ROBO1: variants seen among roughly 807,000 people sequenced by gnomAD.
ROBO1 encodes the protein roundabout guidance receptor 1, also known as roundabout homolog 1.
In ROBO1, 149 loss-of-function variants were observed where a neutral mutation model predicts 195.9. That is an observed-to-expected ratio of 0.76 (90% CI 0.67 to 0.87). The LOEUF is 0.87. Among genes scored for constraint, ROBO1 ranks in the 40% least tolerant of loss-of-function variants. The pLI, the probability that ROBO1 is intolerant of heterozygous loss-of-function variation, is 0.00. For missense variants in ROBO1, 1,933 were observed against 2,068.3 expected, an observed-to-expected ratio of 0.93 and a Z score of 1.27; for synonymous variants, 816 against 733.2, an observed-to-expected ratio of 1.11 and a Z score of -1.82.
rs2082145300 is a variant in ROBO1, at chr3:79,221,872, G to C, written c.89-96333C>G. On this transcript the variant is annotated intron_variant, in intron 2 of 30. Coordinates refer to ENST00000464233, the MANE Select transcript of ROBO1 (RefSeq NM_002941.4). ...GCAGAAATAATATGGTTATCTCTCT[G>C]AGAATACTGGATAGAAAATGTCCTT... Among the ~76,000 whole-genome samples the C allele has an allele frequency of 2.6e-5, 4 of 151,986 alleles. No individual in the cohort carries two copies. The South Asian group carries it at 8.3e-4, about 32-fold the overall frequency.
At position 78,884,648 on chromosome 3, in the gene ROBO1, A is replaced by AAAGAAAGG. The variant is rs1491545436; in HGVS notation, c.499+53952_499+53953insCCTTTCTT. ...GAGAAAGAAAGAGAAAGAAAGAAAG[A>AAAGAAAGG]AAGGAAGGAAGGAAGGAAGGAAGGA... is the stretch of plus-strand genomic sequence containing the variant. On this transcript the variant is annotated intron_variant, in intron 4 of 30. Coordinates refer to ENST00000464233, the MANE Select transcript of ROBO1 (RefSeq NM_002941.4). 3.5e-3 allele frequency among the ~76,000 whole-genome samples: 381 copies of AAAGAAAGG among 107,482 alleles called. 3 individuals carry two copies. The highest frequency in any genetic ancestry group is 0.012 in the African/African-American group (330 of 26,900). The allele number at this position is 107,482 out of a possible 152,430, so 70.5% of individuals were successfully genotyped here.
chr3:79,386,168 C>A (rs1054572257), intron 2 of ROBO1, among the ~76,000 whole-genome samples: 1 of 152,008 alleles, frequency 6.6e-6, no homozygotes, highest in South Asian at 2.1e-4. Flanking sequence ...TAGAAACAGA[C>A]ATATCAGAAT....
At chr3:78,646,103 A>C (rs549887095) in intron 21 of ROBO1, 45 bp downstream of exon 21, 1 of 1,532,726 alleles carries the variant, frequency 6.5e-7, no homozygotes, top group South Asian at 1.2e-5. Flanking sequence ...ATGAAGAAAT[A>C]TTTGGAATTC....
chr3:78,714,470 G>A lies in ROBO1; in HGVS notation c.972C>T (p.Asp324=), dbSNP rs368791766. Reference sequence around the variant, plus strand: ...CTGCAACACAAGTGTATGAACCCATGTCACCAGCTGTCACCTTCCTAATTT... The same window carrying A: ...CTGCAACACAAGTGTATGAACCCATATCACCAGCTGTCACCTTCCTAATTT... ...TLKIRKVTAG[D]MGSYTCVAEN... is the part of the protein sequence containing the mutation. Residue 324 remains aspartate, a synonymous_variant, in exon 8 of 31, where the codon GAC becomes GAT. Coordinates refer to ENST00000464233, the MANE Select transcript of ROBO1 (RefSeq NM_002941.4). The A allele has an allele frequency of 3.7e-5, 60 of 1,612,746 alleles. No homozygotes were observed. In the African/African-American group the frequency reaches 7.7e-4, roughly 21 times the overall value.
chr3:79,635,232 G>T (rs1373561021), intron 1 of ROBO1, among the ~76,000 whole-genome samples: 1 of 152,102 alleles, frequency 6.6e-6, no homozygotes, highest in Non-Finnish European at 1.5e-5. Flanking sequence ...ACACTCTAAA[G>T]CTATATGCAT....
In ROBO1 at chr3:78,895,581, G is replaced by T. The variant is rs7649398; in HGVS notation, c.499+43020C>A. 8.5e-3 allele frequency among the ~76,000 whole-genome samples: 1,295 copies of T among 152,202 alleles called. 24 individuals carry two copies. Among genetic ancestry groups the T allele is most frequent in the African/African-American group, 0.027 (1,120 of 41,536 alleles). ...TAATTAAATATCCTCTTATTTAACT[G>T]GATGACCAAACATAAACATAGTAGT... is the stretch of plus-strand genomic sequence containing the variant. On this transcript the variant is annotated intron_variant, in intron 4 of 30. Transcript: ENST00000464233.
intron 2 of ROBO1, among the ~76,000 whole-genome samples, chr3:79,267,129 C>G (rs200735408): frequency 6.6e-6 from 1 of 151,384 alleles, no homozygotes; most frequent in African/African-American, 2.4e-5. Flanking sequence ...ATTAGTCATA[C>G]AAGACATATT....
intron 3 of ROBO1, among the ~76,000 whole-genome samples, chr3:78,989,640 G>T (rs573198792): frequency 6.6e-6 from 1 of 152,050 alleles, no homozygotes; most frequent in East Asian, 1.9e-4. Flanking sequence ...ATAAAAGTAA[G>T]AAATTAACTA....
intron 2 of ROBO1, among the ~76,000 whole-genome samples, chr3:79,255,375 A>G (rs2082812159): frequency 6.6e-6 from 1 of 152,010 alleles, no homozygotes; most frequent in South Asian, 2.1e-4. Flanking sequence ...AACAACAACA[A>G]AAACAAAAAA....
At chr3:78,927,821 G>A (rs2039302659) in intron 4 of ROBO1, among the ~76,000 whole-genome samples, 1 of 152,166 alleles carries the variant, frequency 6.6e-6, no homozygotes, top group Admixed American at 6.5e-5. Flanking sequence ...GAGAAAGAAA[G>A]ATTATTCTAA....
intron 2 of ROBO1, among the ~76,000 whole-genome samples, chr3:79,510,693 G>T (rs927727959): frequency 1.3e-5 from 2 of 151,950 alleles, no homozygotes; most frequent in African/African-American, 4.8e-5. Context: ...GAAAAAATAT[G>T]TGTAAGGTAT....
rs1707990414 is a variant in ROBO1 at position 78,670,260 on chromosome 3, C to G, written c.1384G>C (p.Val462Leu). The change falls in exon 11 of 31, where the codon GTG (valine) becomes CTG (leucine). Residue 462 changes from valine to leucine, a missense_variant. By Grantham distance (32) the Val-to-Leu change is conservative. Around this residue, in one of 3 missense-constraint regions of ROBO1, gnomAD observed 1,737 missense variants for 1,882.5 expected, o/e 0.92. Transcript: ENST00000464233. ...CCATCCACGGCTACAGTCTGATTCA[C>G]AGGACCTTGTCGAATAACTGGGGGA... is the stretch of plus-strand genomic sequence containing the variant. ...RPPPVIRQGPVNQTVAVDGTF... is the reference protein window; with the variant it reads ...RPPPVIRQGPLNQTVAVDGTF... The G allele has an allele frequency of 3.2e-6, 5 of 1,585,554 alleles. No homozygotes were observed. The highest frequency in any genetic ancestry group is 4.3e-6 in the Non-Finnish European group (5 of 1,164,770).
intron 4 of ROBO1, among the ~76,000 whole-genome samples, chr3:78,801,208 G>A (rs1213482504): frequency 6.6e-6 from 1 of 152,186 alleles, no homozygotes; most frequent in Non-Finnish European, 1.5e-5. Context: ...GGTCATTGAT[G>A]TATTGCCATA....
chr3:79,139,935 A>G (rs2108609526), intron 2 of ROBO1, among the ~76,000 whole-genome samples: 1 of 152,308 alleles, frequency 6.6e-6, no homozygotes, highest in Admixed American at 6.5e-5. Context: ...CCCTTATAGT[A>G]TGAACAAATA....
chr3:79,288,247 T>C (rs1368324231), intron 2 of ROBO1, among the ~76,000 whole-genome samples: 1 of 152,172 alleles, frequency 6.6e-6, no homozygotes, highest in Non-Finnish European at 1.5e-5. Flanking sequence ...TTACTATTAT[T>C]ACTGCACTTC....
chr3:78,606,332 C>T (rs1225499922), intron 29 of ROBO1, among the ~76,000 whole-genome samples: 1 of 152,140 alleles, frequency 6.6e-6, no homozygotes. Flanking sequence ...GCCAATATGC[C>T]CAGCTAATTT....
intron 1 of ROBO1, among the ~76,000 whole-genome samples, chr3:79,644,030 C>A (rs2106691598): frequency 6.6e-6 from 1 of 152,144 alleles, no homozygotes; most frequent in East Asian, 1.9e-4. Context: ...ATATTTGATG[C>A]AACTGGGAAC....
At chr3:79,279,984 G>A (rs1213731806) in intron 2 of ROBO1, among the ~76,000 whole-genome samples, 2 of 152,192 alleles carry the variant, frequency 1.3e-5, no homozygotes, top group African/African-American at 4.8e-5. Context: ...GTTAAGTGAA[G>A]TAAGCCAGAA....
At chr3:79,364,371 G>T (rs1290839551) in intron 2 of ROBO1, among the ~76,000 whole-genome samples, 1 of 151,140 alleles carries the variant, frequency 6.6e-6, no homozygotes, top group African/African-American at 2.4e-5. Flanking sequence ...TATATATTGT[G>T]TTTCAATGAT....
Sources: allele counts gnomAD v4.1 joint callset (sites outside exome capture counted in the v4.1 genomes callset), GRCh38; gene constraint gnomAD v4.1.1; regional missense constraint gnomAD v4.1.1; transcripts MANE v1.5; gene names NCBI Gene and HGNC (gene_info 2026-07-23, HGNC 2026-07-21).